Variants in ZRANB3 observed in about 807,000 individuals in gnomAD.
ZRANB3 encodes the protein zinc finger RANBP2-type containing 3.
ZRANB3 carries 125 observed loss-of-function variants against 133.8 expected under a neutral mutation model. The ratio of observed to expected loss-of-function variants is 0.93; its 90% CI spans 0.81 to 1.08. ZRANB3 has a LOEUF of 1.08. ZRANB3 is among the 50% of genes least tolerant of loss of function. ZRANB3 has a pLI of 0.00. For missense variants in ZRANB3, 1,229 were observed against 1,275.5 expected (o/e 0.96, Z 0.56); for synonymous variants, 387 against 432.7 (o/e 0.89, Z 1.31).
intron 2 of ZRANB3, among the ~76,000 whole-genome samples, chr2:135,485,717 C>T (rs947381394): frequency 3.3e-5 from 5 of 152,162 alleles, no homozygotes; most frequent in African/African-American, 1.2e-4. Context: ...ACTTGTTTCA[C>T]AGTGTATATT....
rs75395107 is a variant in ZRANB3 at position 135,359,094 on chromosome 2, T to G, written c.181-5466A>C. Reference sequence around the variant, plus strand: ...CCCTCTTCATGTCTGGGTAGCATCATCAGCCTCGACATCCAAATGAAATTT... The same window carrying G: ...CCCTCTTCATGTCTGGGTAGCATCAGCAGCCTCGACATCCAAATGAAATTT... On this transcript the variant is annotated intron_variant, in intron 3 of 20. Coordinates refer to ENST00000264159, the MANE Select transcript of ZRANB3 (RefSeq NM_032143.4). 1.4e-4 allele frequency among the ~76,000 whole-genome samples: 22 copies of G among 152,176 alleles called. No homozygotes were observed. The East Asian group carries it at 4.3e-3, about 29-fold the overall frequency.
chr2:135,251,187 C>T (rs1679373466), intron 12 of ZRANB3, among the ~76,000 whole-genome samples: 1 of 152,114 alleles, frequency 6.6e-6, no homozygotes, highest in Non-Finnish European at 1.5e-5. Context: ...TTGCATGGGC[C>T]CTGTATCCCC....
chr2:135,478,660 T>C (rs1430731877), intron 2 of ZRANB3, among the ~76,000 whole-genome samples: 1 of 152,150 alleles, frequency 6.6e-6, no homozygotes, highest in Non-Finnish European at 1.5e-5. Context: ...ATGGTAGTGA[T>C]AAATTTGTTC....
chr2:135,481,184 C>T (rs1425684481), intron 2 of ZRANB3, among the ~76,000 whole-genome samples: 2 of 151,250 alleles, frequency 1.3e-5, no homozygotes, highest in South Asian at 2.1e-4. Flanking sequence ...CCTGAGGAAT[C>T]GCCACACTGA....
intron 1 of ZRANB3, among the ~76,000 whole-genome samples, chr2:135,518,970 G>C (rs935174799): frequency 6.6e-6 from 1 of 152,104 alleles, no homozygotes; most frequent in Non-Finnish European, 1.5e-5. Flanking sequence ...TGTTGGACAG[G>C]GGAAACTGTT....
chr2:135,494,729 G>A (rs1157166512), intron 2 of ZRANB3, among the ~76,000 whole-genome samples: 2 of 152,164 alleles, frequency 1.3e-5, no homozygotes, highest in African/African-American at 2.4e-5. Context: ...AGGAAAGATT[G>A]CATAATCTAA....
chr2:135,219,052 C>A, intron 16 of ZRANB3, 25 bp downstream of exon 16: 2 of 1,332,818 alleles, frequency 1.5e-6, no homozygotes, highest in Non-Finnish European at 9.9e-7. Context: ...GTAAATAAAG[C>A]CATTTTATTT....
At chr2:135,221,978 T>A (rs1487214108) in intron 15 of ZRANB3, among the ~76,000 whole-genome samples, 5 of 152,230 alleles carry the variant, frequency 3.3e-5, no homozygotes, top group Non-Finnish European at 7.3e-5. Context: ...TCTATATCTA[T>A]ATTCGGTTTA....
chr2:135,512,123 T>C (rs1693492459), intron 1 of ZRANB3, among the ~76,000 whole-genome samples: 1 of 152,162 alleles, frequency 6.6e-6, no homozygotes, highest in Non-Finnish European at 1.5e-5. Flanking sequence ...AAAATGACAA[T>C]ATTGGCTAGG....
At chr2:135,236,256 G>C (rs1202394633) in intron 12 of ZRANB3, among the ~76,000 whole-genome samples, 2 of 152,154 alleles carry the variant, frequency 1.3e-5, no homozygotes, top group East Asian at 3.9e-4. Context: ...TCTTCAAGGA[G>C]AACTACAAAC....
chr2:135,402,863 G>A (rs999592420), intron 2 of ZRANB3, among the ~76,000 whole-genome samples: 2 of 152,118 alleles, frequency 1.3e-5, no homozygotes, highest in African/African-American at 4.8e-5. Context: ...GAGGATTACA[G>A]GCATGAACCA....
chr2:135,316,836 T>C (rs1296668667), intron 6 of ZRANB3, among the ~76,000 whole-genome samples: 1 of 151,694 alleles, frequency 6.6e-6, no homozygotes, highest in Admixed American at 6.6e-5. Context: ...CATGGTGGTG[T>C]GTGCCTGTAG....
chr2:135,494,384 G>A (rs1369283222), intron 2 of ZRANB3, among the ~76,000 whole-genome samples: 1 of 151,714 alleles, frequency 6.6e-6, no homozygotes, highest in Non-Finnish European at 1.5e-5. Context: ...GGAAGGAAAG[G>A]AGAGGAGAGG....
At chr2:135,478,939 A>C (rs776424215) in intron 2 of ZRANB3, among the ~76,000 whole-genome samples, 8 of 151,940 alleles carry the variant, frequency 5.3e-5, no homozygotes, top group Non-Finnish European at 1.0e-4. Flanking sequence ...ATGTGTATAC[A>C]TACTTATATA....
At chr2:135,382,130 A>C (rs907225348) in intron 3 of ZRANB3, among the ~76,000 whole-genome samples, 4 of 152,174 alleles carry the variant, frequency 2.6e-5, no homozygotes, top group Non-Finnish European at 4.4e-5. Flanking sequence ...AGAATAACCA[A>C]TGCAGAGAAG....
chr2:135,234,260 C>T (rs917079752), intron 12 of ZRANB3, among the ~76,000 whole-genome samples: 48 of 152,036 alleles, frequency 3.2e-4, no homozygotes, highest in Non-Finnish European at 1.6e-4. Context: ...TAAATATATA[C>T]GCACCCAATA....
intron 6 of ZRANB3, 81 bp from the exon 7 acceptor site, chr2:135,315,611 T>G (rs1683213540): frequency 2.0e-6 from 2 of 1,019,464 alleles, no homozygotes; most frequent in Non-Finnish European, 2.7e-6. Context: ...CTCTTCCTTT[T>G]AATGATAAGG....
intron 2 of ZRANB3, among the ~76,000 whole-genome samples, chr2:135,403,801 C>T (rs951602948): frequency 1.8e-4 from 27 of 152,184 alleles, no homozygotes; most frequent in African/African-American, 3.6e-4. Flanking sequence ...CACCAATATC[C>T]GCTGTTCTGC....
intron 2 of ZRANB3, among the ~76,000 whole-genome samples, chr2:135,497,872 G>A (rs964210400): frequency 2.6e-5 from 4 of 152,012 alleles, no homozygotes; most frequent in African/African-American, 9.7e-5. Context: ...GGCCAACATG[G>A]TAAAACCTTG....
Sources: gnomAD v4.1 joint callset for allele counts (sites outside exome capture counted in the v4.1 genomes callset) on GRCh38, gnomAD v4.1.1 for gene constraint, MANE v1.5 for transcripts, NCBI Gene and HGNC (gene_info 2026-07-23, HGNC 2026-07-21) for gene names.